The following EXOC1L variants were observed in gnomAD, a reference collection of about 807,000 sequenced individuals.
EXOC1L encodes the protein exocyst complex component 1 like.
Under a neutral mutation model 4.9 loss-of-function variants are expected in EXOC1L, and 10 were observed. That is an observed-to-expected ratio of 2.02 (90% confidence interval 1.25 to 3.43). EXOC1L has a LOEUF of 3.43. Among genes scored for constraint, EXOC1L ranks in the 30% most tolerant of loss-of-function variants. The pLI is 0.00. For synonymous variants in EXOC1L, 41 were observed against 20.8 expected (o/e 1.97, Z -2.63); for missense variants, 114 against 59.4 (o/e 1.92, Z -3.02).
chr4:55,827,330 A>C (rs893399634), intron 1 of EXOC1L, among the ~76,000 whole-genome samples: 2 of 152,128 alleles, frequency 1.3e-5, no homozygotes, highest in Non-Finnish European at 2.9e-5. Flanking sequence ...TTCTACTGCC[A>C]TTTACAACTC....
chr4:55,836,704 C>T (rs1002009213), intron 2 of EXOC1L, among the ~76,000 whole-genome samples: 1 of 151,922 alleles, frequency 6.6e-6, no homozygotes, highest in Non-Finnish European at 1.5e-5. Flanking sequence ...AAGGAACCAA[C>T]CTCGTACTAA....
At chr4:55,826,339 G>T (rs1719884499) in intron 1 of EXOC1L, among the ~76,000 whole-genome samples, 1 of 151,986 alleles carries the variant, frequency 6.6e-6, no homozygotes, top group Non-Finnish European at 1.5e-5. Context: ...GTGAGCTACT[G>T]TTTTTTTCTA....
chr4:55,835,531 T>A (rs1161148656), intron 2 of EXOC1L, among the ~76,000 whole-genome samples: 3 of 152,022 alleles, frequency 2.0e-5, no homozygotes, highest in African/African-American at 7.2e-5. Context: ...ATTTTTTGAT[T>A]TTTTGATTAT....
intron 2 of EXOC1L, among the ~76,000 whole-genome samples, chr4:55,832,260 C>G (rs776076642): frequency 6.6e-6 from 1 of 152,084 alleles, no homozygotes; most frequent in Non-Finnish European, 1.5e-5. Flanking sequence ...TTATCATAGG[C>G]TGATAGATGA....
At chr4:55,823,135 G>T (rs951909488) in intron 1 of EXOC1L, among the ~76,000 whole-genome samples, 2 of 151,436 alleles carry the variant, frequency 1.3e-5, no homozygotes, top group Non-Finnish European at 2.9e-5. Context: ...AAAATAAATG[G>T]CATTTGCTAG....
chr4:55,820,542 G>A (rs1719714572), intron 1 of EXOC1L, among the ~76,000 whole-genome samples: 1 of 152,188 alleles, frequency 6.6e-6, no homozygotes, highest in African/African-American at 2.4e-5. Context: ...GAGTTATACA[G>A]CACCATTTGC....
rs1449485147 is a variant in EXOC1L, at chr4:55,837,273, G to A, written c.441G>A (p.Lys147=). The A allele has an allele frequency of 2.9e-6, 2 of 699,264 alleles. No individual in the cohort carries two copies. Among genetic ancestry groups the A allele is most frequent in the Non-Finnish European group, 5.2e-6 (2 of 383,114 alleles). 43.3% of individuals were successfully genotyped at this position (699,264 alleles called of 1,614,324 possible). A position where few individuals can be genotyped will look rare whatever the true frequency, so the allele number is the denominator to read the frequency against. Residue 147 remains lysine, a synonymous_variant, in exon 3 of 3, where the codon AAG becomes AAA. Coordinates refer to ENST00000636125, the MANE Select transcript of EXOC1L (RefSeq NM_001351574.3). The part of the protein sequence containing the change: ...NDDSIWSSNN[K]DCLVLMRICF... ...ATTCCATTTGGTCCTCCAACAATAA[G>A]GATTGTTTGGTCCTTATGAGAATAT...
intron 1 of EXOC1L, among the ~76,000 whole-genome samples, chr4:55,823,336 A>G (rs1306349057): frequency 2.6e-5 from 4 of 152,196 alleles, no homozygotes; most frequent in Non-Finnish European, 5.9e-5. Flanking sequence ...ATTTGGGACC[A>G]CTGCTGCTAC....
intron 2 of EXOC1L, among the ~76,000 whole-genome samples, chr4:55,833,647 T>C (rs905714159): frequency 7.2e-5 from 11 of 151,896 alleles, no homozygotes; most frequent in African/African-American, 2.4e-4. Context: ...CTCTCAAATA[T>C]TACCGATGTT....
At chr4:55,821,837 A>G (rs1719750440) in intron 1 of EXOC1L, among the ~76,000 whole-genome samples, 1 of 152,232 alleles carries the variant, frequency 6.6e-6, no homozygotes, top group African/African-American at 2.4e-5. Context: ...TCTACATCAC[A>G]TCATCAATTT....
intron 1 of EXOC1L, among the ~76,000 whole-genome samples, chr4:55,830,765 A>C (rs1261359786): frequency 6.6e-6 from 1 of 152,190 alleles, no homozygotes; most frequent in Non-Finnish European, 1.5e-5. Flanking sequence ...TACAATCTCG[A>C]GCAATACCAA....
chr4:55,833,941 A>G (rs1484210853), intron 2 of EXOC1L, among the ~76,000 whole-genome samples: 4 of 151,966 alleles, frequency 2.6e-5, no homozygotes, highest in African/African-American at 9.7e-5. Context: ...ATAATATCTA[A>G]AGAGTAGTTC....
Position 55,823,795 on chromosome 4 carries a change from G to A in EXOC1L, c.121+3648G>A, listed in dbSNP as rs560157486. On this transcript the variant is annotated intron_variant, in intron 1 of 2. Transcript: ENST00000636125. ...ACGATTTCGGCTCACTGCAATCTCC[G>A]CCTCCTGGGCTCAAGGATTCTCCTG... Among the ~76,000 whole-genome samples, 30 of 152,034 alleles carry A rather than the reference G, an allele frequency of 2.0e-4. No homozygotes were observed. In the South Asian group the frequency reaches 4.8e-3, roughly 24 times the overall value.
chr4:55,836,293 C>T (rs752510986), intron 2 of EXOC1L, among the ~76,000 whole-genome samples: 13 of 151,870 alleles, frequency 8.6e-5, no homozygotes, highest in Admixed American at 7.2e-4. Context: ...GTAGTCATCA[C>T]GCATAAGTAC....
intron 1 of EXOC1L, among the ~76,000 whole-genome samples, chr4:55,829,225 A>G (rs952982744): frequency 2.0e-5 from 3 of 152,218 alleles, no homozygotes; most frequent in African/African-American, 4.8e-5. Context: ...CATTTTTAAC[A>G]GTTACTGTAA....
chr4:55,825,493 C>T (rs544891035), intron 1 of EXOC1L, among the ~76,000 whole-genome samples: 1 of 152,118 alleles, frequency 6.6e-6, no homozygotes, highest in Admixed American at 6.5e-5. Context: ...AAATCCAGGT[C>T]CACTTGTGCC....
intron 2 of EXOC1L, among the ~76,000 whole-genome samples, chr4:55,836,607 G>T (rs1720170469): frequency 6.6e-6 from 1 of 151,896 alleles, no homozygotes; most frequent in Non-Finnish European, 1.5e-5. Flanking sequence ...ATTCCTTGCT[G>T]TAAACTTCAA....
chr4:55,835,061 G>C (rs1019461299), intron 2 of EXOC1L, among the ~76,000 whole-genome samples: 1 of 151,682 alleles, frequency 6.6e-6, no homozygotes, highest in African/African-American at 2.4e-5. Context: ...TCCCACTTAT[G>C]AGTGAGAATA....
intron 1 of EXOC1L, among the ~76,000 whole-genome samples, chr4:55,826,400 T>A (rs991306375): frequency 3.3e-5 from 5 of 152,250 alleles, no homozygotes; most frequent in Admixed American, 6.5e-5. Flanking sequence ...CCATTTAGCC[T>A]CATGAATAAT....
Sources: gnomAD v4.1 joint callset for allele counts (sites outside exome capture counted in the v4.1 genomes callset) on GRCh38, gnomAD v4.1.1 for gene constraint, MANE v1.5 for transcripts, NCBI Gene and HGNC (gene_info 2026-07-23, HGNC 2026-07-21) for gene names.